EFHC2: variants seen among roughly 807,000 people sequenced by gnomAD.
The protein encoded by EFHC2 is EF-hand domain containing 2.
Under a neutral mutation model 52.7 loss-of-function variants are expected in EFHC2, and 18 were observed. The observed-to-expected ratio is 0.34, with a 90% confidence interval of 0.24 to 0.51. EFHC2 has a LOEUF of 0.51. Among genes scored for constraint, EFHC2 ranks in the 20% least tolerant of loss-of-function variants. The probability of loss-of-function intolerance (pLI) is 0.97; values close to 1 mark genes in which losing one functional copy is unlikely to be tolerated. For synonymous variants in EFHC2, 203 were observed against 204.1 expected, an observed-to-expected ratio of 0.99 and a Z score of 0.04; for missense variants, 513 against 562.5, an observed-to-expected ratio of 0.91 and a Z score of 0.89.
At chrX:44,328,579 G>A (rs1016139587) in intron 1 of EFHC2, among the ~76,000 whole-genome samples, 5 of 111,911 alleles carry the variant, frequency 4.5e-5, no homozygotes, top group African/African-American at 1.3e-4. Flanking sequence ...CAATCTCCCC[G>A]TGACCCCCAC....
intron 11 of EFHC2, among the ~76,000 whole-genome samples, chrX:44,227,031 CA>C (rs958071320): frequency 7.6e-4 from 80 of 105,291 alleles, no homozygotes; most frequent in Middle Eastern, 4.9e-3. Flanking sequence ...AAACACTAAA[CA>C]AAAAAAAAAT....
chrX:44,342,918 GA>G lies in EFHC2; in HGVS notation c.42+628del, dbSNP rs1293995703. ...TGAACCCCTCCCAATTATAAATAGA[GA>G]AAAAAAAAATCCCTCCAAGTTTGGG... On this transcript the variant is annotated intron_variant, in intron 1 of 14. Coordinates refer to ENST00000420999, the MANE Select transcript of EFHC2 (RefSeq NM_025184.4). Among the ~76,000 whole-genome samples the G allele has an allele frequency of 6.1e-4, 59 of 96,372 alleles. No homozygotes were observed. In the East Asian group the frequency reaches 0.012, roughly 20 times the overall value. 83.7% of individuals were successfully genotyped at this position (96,372 alleles called of 115,157 possible). A position where few individuals can be genotyped will look rare whatever the true frequency, so the allele number is the denominator to read the frequency against.
At chrX:44,310,634 T>C (rs1251964969) in intron 2 of EFHC2, among the ~76,000 whole-genome samples, 1 of 112,117 alleles carries the variant, frequency 8.9e-6, no homozygotes, top group Admixed American at 9.4e-5. Flanking sequence ...GCTTGGGGTA[T>C]TAACCAGGAT....
At position 44,248,279 on chromosome X, in the gene EFHC2, A is replaced by G; in HGVS notation, c.1104T>C (p.Tyr368=). Residue 368 remains tyrosine (Y), a synonymous_variant, in exon 7 of 15, where the codon TAT becomes TAC. Transcript: ENST00000420999. ...GACATATGTATCACTTACCAATTCC[A>G]TATTTAGACTTATAATAAGACTTCG... is the stretch of plus-strand genomic sequence containing the variant. ...EFTKSYYKSK[Y]GIENFTSVSC... 8.7e-7 allele frequency: 1 copy of G among 1,149,462 alleles called. No homozygotes were observed. The allele number at this position is 1,149,462 out of a possible 1,213,427, so 94.7% of individuals were successfully genotyped here. A position where few individuals can be genotyped will look rare whatever the true frequency, so the allele number is the denominator to read the frequency against.
chrX:44,221,709 T>G (rs1256178610), intron 11 of EFHC2, among the ~76,000 whole-genome samples: 1 of 111,761 alleles, frequency 8.9e-6, no homozygotes, highest in Non-Finnish European at 1.9e-5. Context: ...GCAATTCTGA[T>G]TGGAATTGCT....
chrX:44,287,205 A>T (rs961874997), intron 2 of EFHC2, among the ~76,000 whole-genome samples: 1 of 110,925 alleles, frequency 9.0e-6, no homozygotes, highest in Admixed American at 9.6e-5. Flanking sequence ...AAAATTTTTT[A>T]AATAAAAAAT....
chrX:44,257,166 T>C (rs1250163854), intron 4 of EFHC2, among the ~76,000 whole-genome samples: 1 of 111,757 alleles, frequency 8.9e-6, no homozygotes, highest in Non-Finnish European at 1.9e-5. Flanking sequence ...ATAAGAGCTA[T>C]TTATGACAAA....
In EFHC2 at chrX:44,236,245, C is replaced by T. The variant is rs762769475; in HGVS notation, c.1281-798G>A. Among the ~76,000 whole-genome samples the T allele has an allele frequency of 7.3e-4, 82 of 112,150 alleles. 1 individual carries two copies. The highest frequency in any genetic ancestry group is 3.4e-4 in the Non-Finnish European group (18 of 53,257). On this transcript the variant is annotated intron_variant, in intron 8 of 14. Transcript: ENST00000420999. ...TAGTCTAGTAGACTAAAGATAGGAT[C>T]AAATTATAGAATTAAAAGTTACCAA...
At chrX:44,163,820 T>G (rs2036675556) in intron 14 of EFHC2, 102 bp downstream of exon 14, 1 of 601,018 alleles carries the variant, frequency 1.7e-6, no homozygotes, top group Non-Finnish European at 2.6e-6. Context: ...CCAAAAGCAC[T>G]GATGTTAATA....
intron 1 of EFHC2, among the ~76,000 whole-genome samples, chrX:44,317,537 AT>A (rs1364927930): frequency 2.0e-4 from 23 of 112,950 alleles, no homozygotes; most frequent in African/African-American, 6.8e-4. Context: ...TGTAATCTCA[AT>A]ACTTTGGGAG....
At chrX:44,265,374 C>T (rs556294591) in intron 3 of EFHC2, among the ~76,000 whole-genome samples, 2 of 111,150 alleles carry the variant, frequency 1.8e-5, no homozygotes, top group African/African-American at 6.5e-5. Context: ...CAGGCTCAAG[C>T]GATCCTCCCT....
At chrX:44,332,960 G>A in intron 1 of EFHC2, among the ~76,000 whole-genome samples, 1 of 111,996 alleles carries the variant, frequency 8.9e-6, no homozygotes. Flanking sequence ...TTGTTCCACA[G>A]CAGCAGCGGA....
At chrX:44,299,946 T>TA (rs34923614) in intron 2 of EFHC2, among the ~76,000 whole-genome samples, 1 of 111,831 alleles carries the variant, frequency 8.9e-6, no homozygotes, top group East Asian at 2.8e-4. Flanking sequence ...AAAATTACTT[T>TA]AAAAAAAATT....
chrX:44,235,532 T>C (rs749349678), intron 8 of EFHC2, 85 bp from the exon 9 acceptor site: 2 of 949,382 alleles, frequency 2.1e-6, no homozygotes, highest in East Asian at 3.5e-5. Flanking sequence ...AAAGATATAA[T>C]ATGGCTTTAA....
intron 1 of EFHC2, among the ~76,000 whole-genome samples, chrX:44,342,875 CAA>C (rs377220378): frequency 8.7e-5 from 5 of 57,391 alleles, no homozygotes; most frequent in African/African-American, 1.6e-4. Flanking sequence ...GACTCCGTCT[CAA>C]AAAAAAAAAA....
In EFHC2 at chrX:44,342,855, G is replaced by A. The variant is rs192106636; in HGVS notation, c.42+692C>T. Reference sequence around the variant, plus strand: ...CGGGTCACTGCACTCCAGCCTGGGCGACAGAGCGAGACTCCGTCTCAAAAA... The same window carrying A: ...CGGGTCACTGCACTCCAGCCTGGGCAACAGAGCGAGACTCCGTCTCAAAAA... On this transcript the variant is annotated intron_variant, in intron 1 of 14. Coordinates refer to ENST00000420999, the MANE Select transcript of EFHC2 (RefSeq NM_025184.4). Among the ~76,000 whole-genome samples, 277 of 86,792 alleles carry A rather than the reference G, an allele frequency of 3.2e-3. 8 individuals are homozygous for A. In the East Asian group the frequency reaches 0.091, roughly 28 times the overall value. The allele number at this position is 86,792 out of a possible 115,157, so 75.4% of individuals were successfully genotyped here.
At chrX:44,266,299 G>T (rs889447397) in intron 3 of EFHC2, among the ~76,000 whole-genome samples, 1 of 111,043 alleles carries the variant, frequency 9.0e-6, no homozygotes, top group Non-Finnish European at 1.9e-5. Context: ...TTAAAATATA[G>T]GCTGCTCAGT....
chrX:44,215,473 A>G (rs1182244960), intron 11 of EFHC2, among the ~76,000 whole-genome samples: 3 of 104,771 alleles, frequency 2.9e-5, no homozygotes, highest in Non-Finnish European at 5.9e-5. Flanking sequence ...TACACCTACC[A>G]TATGATCAAG....
At chrX:44,171,159 A>G (rs750723703) in intron 13 of EFHC2, among the ~76,000 whole-genome samples, 1 of 111,323 alleles carries the variant, frequency 9.0e-6, no homozygotes, top group Non-Finnish European at 1.9e-5. Flanking sequence ...CCCCTCGAAC[A>G]TGCTTCCTGA....
Sources: gnomAD v4.1 joint callset for allele counts (sites outside exome capture counted in the v4.1 genomes callset) on GRCh38, gnomAD v4.1.1 for gene constraint, MANE v1.5 for transcripts, NCBI Gene and HGNC (gene_info 2026-07-23, HGNC 2026-07-21) for gene names.